The following STK26 variants were observed in gnomAD, a reference collection of about 807,000 sequenced individuals.
STK26 encodes the protein serine/threonine-protein kinase 26.
STK26 carries 14 observed loss-of-function variants against 34.7 expected under a neutral mutation model. The ratio of observed to expected loss-of-function variants is 0.40; its 90% CI spans 0.27 to 0.63. STK26 has a LOEUF of 0.63. STK26 is among the 30% of genes least tolerant of loss of function. The pLI, the probability that STK26 is intolerant of heterozygous loss-of-function variation, is 0.38. For missense variants in STK26, 226 were observed against 309.1 expected (o/e 0.73, Z 2.02); for synonymous variants, 100 against 109.8 (o/e 0.91, Z 0.56).
chrX:132,041,479 A>G (rs1443742030), intron 2 of STK26, among the ~76,000 whole-genome samples: 1 of 111,448 alleles, frequency 9.0e-6, no homozygotes, highest in Non-Finnish European at 1.9e-5. Context: ...TCAAGTTGTA[A>G]ATTACTGATC....
intron 2 of STK26, among the ~76,000 whole-genome samples, chrX:132,039,364 A>G (rs1371689786): frequency 9.0e-6 from 1 of 111,612 alleles, no homozygotes; most frequent in Non-Finnish European, 1.9e-5. Context: ...TCCTGATAGG[A>G]CACTAAATCA....
chrX:132,032,333 T>G (rs769330505), intron 2 of STK26, among the ~76,000 whole-genome samples: 1 of 112,437 alleles, frequency 8.9e-6, no homozygotes, highest in Non-Finnish European at 1.9e-5. Context: ...AATTGTAGAT[T>G]GCTTAGATGA....
intron 2 of STK26, among the ~76,000 whole-genome samples, chrX:132,024,523 A>C (rs1336586141): frequency 1.8e-5 from 2 of 111,827 alleles, no homozygotes; most frequent in Non-Finnish European, 3.8e-5. Flanking sequence ...ATCCAAATTT[A>C]CTAACTTTTT....
intron 2 of STK26, among the ~76,000 whole-genome samples, chrX:132,034,986 C>T (rs937875024): frequency 9.0e-6 from 1 of 110,723 alleles, no homozygotes; most frequent in Non-Finnish European, 1.9e-5. Context: ...CAGACATTGG[C>T]GACCCCTTAA....
intron 2 of STK26, among the ~76,000 whole-genome samples, chrX:132,052,204 A>G (rs983158767): frequency 9.0e-6 from 1 of 111,246 alleles, no homozygotes; most frequent in African/African-American, 3.3e-5. Context: ...GCAGGAAGGA[A>G]ACCTGTCTTA....
At chrX:132,061,201 TG>T (rs1258339116) in intron 3 of STK26, among the ~76,000 whole-genome samples, 1 of 112,244 alleles carries the variant, frequency 8.9e-6, no homozygotes, top group African/African-American at 3.2e-5. Context: ...GTCAGGTGAA[TG>T]GGAAGCTCTC....
In STK26 at chrX:132,044,688, T is replaced by TAG. The variant is rs1556013091; in HGVS notation, c.43-9923_43-9922dup. Among the ~76,000 whole-genome samples the TAG allele has an allele frequency of 6.0e-4, 26 of 43,399 alleles. 3 individuals are homozygous for TAG. The highest frequency in any genetic ancestry group is 2.4e-3 in the African/African-American group (21 of 8,581). 37.7% of individuals were successfully genotyped at this position (43,399 alleles called of 115,157 possible). A position where few individuals can be genotyped will look rare whatever the true frequency, so the allele number is the denominator to read the frequency against. On this transcript the variant is annotated intron_variant, in intron 2 of 11. Transcript: ENST00000394334. ...CTCGAGATCTATATATATATATATA[T>TAG]AGAGAGAGAGAGAGAGAGAGATCTA...
chrX:132,072,296 C>T lies in STK26; in HGVS notation c.961C>T (p.His321Tyr). 8.3e-7 allele frequency: 1 copy of T among 1,209,005 alleles called. No individual in the cohort carries two copies. Among genetic ancestry groups the T allele is most frequent in the Admixed American group, 2.2e-5 (1 of 45,923 alleles). Residue 321 changes from histidine to tyrosine, a missense_variant, in exon 9 of 12, where the codon CAT becomes TAT. By Grantham distance (83) the His-to-Tyr change is moderately conservative (BLOSUM62 2). Around this residue, in one of 2 missense-constraint regions of STK26, gnomAD observed 126 missense variants for 132.4 expected, o/e 0.95. Transcript: ENST00000394334. ...SESTSRENNT[H>Y]PEWSFTTVRK... is the part of the protein sequence containing the mutation. ...ATCTACCAGCAGGGAAAACAATACT[C>T]ATCCTGAATGGAGCTTTACCACCGT... is the stretch of plus-strand genomic sequence containing the variant.
intron 4 of STK26, among the ~76,000 whole-genome samples, chrX:132,067,045 G>A (rs1927247875): frequency 9.0e-6 from 1 of 111,637 alleles, no homozygotes; most frequent in East Asian, 2.8e-4. Context: ...ACTTTGGGGT[G>A]GAAGTTGATA....
At chrX:132,042,030 A>G (rs1926284745) in intron 2 of STK26, among the ~76,000 whole-genome samples, 1 of 111,748 alleles carries the variant, frequency 8.9e-6, no homozygotes, top group African/African-American at 3.2e-5. Flanking sequence ...CTCTATTTGA[A>G]CATTTAATTT....
intron 2 of STK26, among the ~76,000 whole-genome samples, chrX:132,033,465 T>G (rs149424303): frequency 0.015 from 1,693 of 112,054 alleles, 33 homozygotes; most frequent in African/African-American, 0.052. Flanking sequence ...TATTTCAAAT[T>G]TATGTTTTTT....
chrX:132,051,628 G>A (rs755028310), intron 2 of STK26, among the ~76,000 whole-genome samples: 3 of 111,204 alleles, frequency 2.7e-5, no homozygotes, highest in African/African-American at 9.8e-5. Flanking sequence ...TTTAAGTTCT[G>A]GGGTACACGT....
At chrX:132,044,775 CTATATATATATTTATATATATAGAG>C (rs1926422933) in intron 2 of STK26, among the ~76,000 whole-genome samples, 1 of 34,070 alleles carries the variant, frequency 2.9e-5, no homozygotes, top group Admixed American at 2.7e-4. Context: ...ATAGAGAGAT[CTATATATATATTTATATATATAGAG>C]AGAGATCTAT....
chrX:132,036,820 A>T lies in STK26; in HGVS notation c.42+13161A>T, dbSNP rs1389949093. Among the ~76,000 whole-genome samples, 6 of 112,048 alleles carry T rather than the reference A, an allele frequency of 5.4e-5. No homozygotes were observed. In the South Asian group the frequency reaches 2.2e-3, roughly 41 times the overall value. ...TCAATGTGTATTGCACATGAAGTAT[A>T]TTTTACATTTGAAAATACTTTTAAT... On this transcript the variant is annotated intron_variant, in intron 2 of 11. Transcript: ENST00000394334.
intron 3 of STK26, 27 bp from the exon 4 acceptor site, chrX:132,063,405 AT>A: frequency 8.4e-7 from 1 of 1,184,212 alleles, no homozygotes; most frequent in Non-Finnish European, 1.1e-6. Context: ...CAGGTTTGTA[AT>A]TATTAAATTG....
At chrX:132,031,164 C>G (rs1215092190) in intron 2 of STK26, among the ~76,000 whole-genome samples, 1 of 111,187 alleles carries the variant, frequency 9.0e-6, no homozygotes, top group African/African-American at 3.3e-5. Flanking sequence ...TCTTGAACCC[C>G]TGGGCCCAAG....
chrX:132,056,721 A>G (rs1926871791), intron 3 of STK26, among the ~76,000 whole-genome samples: 1 of 112,118 alleles, frequency 8.9e-6, no homozygotes, highest in South Asian at 3.7e-4. Context: ...AGTAATACCA[A>G]CGTCCTAGGT....
intron 2 of STK26, among the ~76,000 whole-genome samples, chrX:132,035,922 G>A (rs187208110): frequency 7.8e-4 from 84 of 107,648 alleles, no homozygotes; most frequent in Non-Finnish European, 7.1e-4. Flanking sequence ...ATTTATATAT[G>A]TAAATTCCTG....
At chrX:132,045,488 A>G (rs1926467570) in intron 2 of STK26, among the ~76,000 whole-genome samples, 1 of 112,071 alleles carries the variant, frequency 8.9e-6, no homozygotes, top group African/African-American at 3.2e-5. Flanking sequence ...CCTCATACAG[A>G]TGGTGAAATC....
Sources: gnomAD v4.1 joint callset for allele counts (sites outside exome capture counted in the v4.1 genomes callset) on GRCh38, gnomAD v4.1.1 for gene constraint, gnomAD v4.1.1 regional missense constraint, MANE v1.5 for transcripts, NCBI Gene and HGNC (gene_info 2026-07-23, HGNC 2026-07-21) for gene names.